The following GAPVD1 variants were observed in gnomAD, a reference collection of about 807,000 sequenced individuals.
GAPVD1 encodes GTPase activating protein and VPS9 domains 1, also known as GTPase-activating protein and VPS9 domain-containing protein 1.
A neutral mutation model predicts 155.5 loss-of-function variants in GAPVD1; 35 were observed. The observed-to-expected ratio is 0.23, with a 90% CI of 0.17 to 0.30. The LOEUF (loss-of-function observed/expected upper bound fraction) is 0.30. GAPVD1 is among the 10% of genes least tolerant of loss of function. The pLI, the probability that GAPVD1 is intolerant of heterozygous loss-of-function variation, is 1.00. For missense variants in GAPVD1, 1,429 were observed against 1,775.7 expected, an observed-to-expected ratio of 0.80 and a Z score of 3.51; for synonymous variants, 636 against 619.7, an observed-to-expected ratio of 1.03 and a Z score of -0.39.
intron 12 of GAPVD1, 76 bp downstream of exon 12, chr9:125,326,665 C>G: frequency 1.0e-6 from 1 of 993,144 alleles, no homozygotes. Flanking sequence ...GGAGGGAGCA[C>G]CAGTGCCCTG....
chr9:125,289,081 G>A (rs1838182715), intron 2 of GAPVD1, among the ~76,000 whole-genome samples: 1 of 152,158 alleles, frequency 6.6e-6, no homozygotes, highest in Non-Finnish European at 1.5e-5. Context: ...GAGTAATAGA[G>A]TGACTATATG....
At chr9:125,305,246 T>A in intron 6 of GAPVD1, 97 bp downstream of exon 6, 8 of 774,608 alleles carry the variant, frequency 1.0e-5, no homozygotes, top group Non-Finnish European at 1.7e-5. Flanking sequence ...CTAAATTAAA[T>A]GTTCTTTTAA....
chr9:125,299,749 G>T (rs979301166), intron 4 of GAPVD1, among the ~76,000 whole-genome samples: 1 of 150,370 alleles, frequency 6.7e-6, no homozygotes, highest in African/African-American at 2.4e-5. Flanking sequence ...AGCTGGGTGT[G>T]GTGGCTGACA....
chr9:125,346,668 A>C, intron 19 of GAPVD1, 151 bp from the exon 20 acceptor site: 1 of 711,228 alleles, frequency 1.4e-6, no homozygotes, highest in South Asian at 1.5e-5. Context: ...ATGAGTAGGC[A>C]GCTGCATGGT....
chr9:125,362,100 T>A (rs1851012000), intron 27 of GAPVD1, among the ~76,000 whole-genome samples: 1 of 152,190 alleles, frequency 6.6e-6, no homozygotes, highest in Non-Finnish European at 1.5e-5. Context: ...GCTCTTCCTC[T>A]TAACCATTTA....
chr9:125,270,828 A>G (rs1385664197), intron 2 of GAPVD1, among the ~76,000 whole-genome samples: 1 of 152,154 alleles, frequency 6.6e-6, no homozygotes, highest in Non-Finnish European at 1.5e-5. Context: ...CTGTAATCCC[A>G]GCTACTCAGG....
In GAPVD1 at chr9:125,359,099, T is replaced by C. The variant is rs148211816; in HGVS notation, c.3972-321T>C. On this transcript the variant is annotated intron_variant, in intron 25 of 27. Coordinates refer to ENST00000297933, the MANE Select transcript of GAPVD1 (RefSeq NM_001282680.3). ...TACTTCCTCTCACTTTTTCCCCCCCTCTCCTTTTCCTCTACCTTACAAAAT... is the reference window on the plus strand; with the variant it reads ...TACTTCCTCTCACTTTTTCCCCCCCCCTCCTTTTCCTCTACCTTACAAAAT... 5.9e-3 allele frequency among the ~76,000 whole-genome samples: 901 copies of C among 152,140 alleles called. 16 individuals carry two copies. Among genetic ancestry groups the C allele is most frequent in the African/African-American group, 0.02 (845 of 41,502 alleles).
At chr9:125,273,496 C>CTTTTTTTTTTTTTTT (rs1379407202) in intron 2 of GAPVD1, among the ~76,000 whole-genome samples, 2 of 129,766 alleles carry the variant, frequency 1.5e-5, no homozygotes, top group African/African-American at 2.8e-5. Context: ...TTTTTCTTTT[C>CTTTTTTTTTTTTTTT]TTTTTTTTTT....
At chr9:125,354,898 T>G (rs1849833847) in intron 24 of GAPVD1, 57 bp downstream of exon 24, 4 of 1,198,238 alleles carry the variant, frequency 3.3e-6, no homozygotes, top group Non-Finnish European at 3.7e-6. Flanking sequence ...TTGGGAAGAT[T>G]TAGAAATACT....
In GAPVD1 at chr9:125,281,524, A is replaced by G. The variant is rs372398445; in HGVS notation, c.-150+12540A>G. Among the ~76,000 whole-genome samples the G allele has an allele frequency of 1.1e-4, 16 of 152,268 alleles. No individual in the cohort carries two copies. The East Asian group carries it at 2.7e-3, about 26-fold the overall frequency. ...TGGTACAGAGACAGCATCAAGATCA[A>G]TTCTTCATATTATTAACATCTTATA... On this transcript the variant is annotated intron_variant, in intron 2 of 27. Coordinates refer to ENST00000297933, the MANE Select transcript of GAPVD1 (RefSeq NM_001282680.3).
chr9:125,347,100 T>C, intron 20 of GAPVD1, 159 bp downstream of exon 20: 2 of 693,476 alleles, frequency 2.9e-6, no homozygotes, highest in South Asian at 3.8e-5. Flanking sequence ...TTGATGTCCT[T>C]CTCTGGATTC....
rs148700558 is a variant in GAPVD1, at chr9:125,349,496, G to T, written c.3276G>T (p.Pro1092=). The T allele has an allele frequency of 2.0e-5, 32 of 1,613,886 alleles. No individual in the cohort carries two copies. Among genetic ancestry groups the T allele is most frequent in the Non-Finnish European group, 2.5e-5 (29 of 1,179,846 alleles). ...ACTCTGCAAGCCAAGCAGCCCACCC[G>T]CAGGATTCAGCTTTCTCTTACAGGT... The part of the protein sequence containing the change: ...LPDSASQAAH[P]QDSAFSYRDA... Residue 1092 remains proline, a synonymous_variant, in exon 21 of 28, where the codon CCG becomes CCT. Transcript: ENST00000297933.
chr9:125,265,301 C>G (rs1013442064), intron 1 of GAPVD1, among the ~76,000 whole-genome samples: 4 of 151,864 alleles, frequency 2.6e-5, no homozygotes, highest in African/African-American at 7.3e-5. Context: ...CAAGGTCTTG[C>G]TGCATTGCCC....
chr9:125,351,563 G>A (rs1849292555), intron 23 of GAPVD1, among the ~76,000 whole-genome samples: 2 of 152,176 alleles, frequency 1.3e-5, no homozygotes, highest in South Asian at 4.1e-4. Context: ...TGCAGGCATT[G>A]GGTAAATACA....
intron 25 of GAPVD1, among the ~76,000 whole-genome samples, chr9:125,358,648 C>T (rs1466031712): frequency 1.3e-5 from 2 of 152,236 alleles, no homozygotes; most frequent in Non-Finnish European, 2.9e-5. Flanking sequence ...TCCTTCCAAT[C>T]TGCCTTCCTC....
intron 3 of GAPVD1, 53 bp from the exon 4 acceptor site, chr9:125,298,837 A>G (rs1008338018): frequency 2.6e-6 from 2 of 771,814 alleles, no homozygotes; most frequent in Non-Finnish European, 4.0e-6. Flanking sequence ...TGATTTTAGA[A>G]AAGAACTTAA....
intron 25 of GAPVD1, among the ~76,000 whole-genome samples, 171 bp from the exon 26 acceptor site, chr9:125,359,249 G>C (rs1850571580): frequency 6.6e-6 from 1 of 152,168 alleles, no homozygotes; most frequent in Admixed American, 6.5e-5. Flanking sequence ...TTTCTGAGCA[G>C]ATTAGAAAGA....
intron 4 of GAPVD1, among the ~76,000 whole-genome samples, chr9:125,299,779 G>C (rs912478056): frequency 5.3e-5 from 8 of 150,322 alleles, no homozygotes; most frequent in Non-Finnish European, 8.9e-5. Flanking sequence ...CTAGCACTTT[G>C]GGAGGCCGAG....
intron 2 of GAPVD1, among the ~76,000 whole-genome samples, chr9:125,288,412 G>A (rs978665681): frequency 2.0e-5 from 3 of 151,770 alleles, no homozygotes; most frequent in Non-Finnish European, 4.4e-5. Context: ...ACCCGGCCTT[G>A]TTAATATTTA....
Sources: gnomAD v4.1 joint callset for allele counts (sites outside exome capture counted in the v4.1 genomes callset) on GRCh38, gnomAD v4.1.1 for gene constraint, MANE v1.5 for transcripts, NCBI Gene and HGNC (gene_info 2026-07-23, HGNC 2026-07-21) for gene names.